Variants in IRF8 observed in about 807,000 individuals in gnomAD.
IRF8 encodes the protein interferon consensus sequence binding protein 1.
A neutral mutation model predicts 48.7 loss-of-function variants in IRF8; 14 were observed. The ratio of observed to expected loss-of-function variants is 0.29; its 90% CI spans 0.19 to 0.45. The LOEUF (loss-of-function observed/expected upper bound fraction) is 0.45. Ranked by LOEUF, IRF8 falls within the 20% of genes least tolerant of loss-of-function variation. The probability of loss-of-function intolerance (pLI) is 1.00; values close to 1 mark genes in which losing one functional copy is unlikely to be tolerated. For synonymous variants in IRF8, 278 were observed against 227.3 expected (o/e 1.22, Z -2.01); for missense variants, 493 against 580.7 (o/e 0.85, Z 1.55).
At chr16:85,913,701 G>A (rs1186121572) in intron 5 of IRF8, among the ~76,000 whole-genome samples, 26 of 152,256 alleles carry the variant, frequency 1.7e-4, no homozygotes, top group East Asian at 3.8e-4. Context: ...ACCAGGAACA[G>A]GAAGTTTGTT....
At chr16:85,910,780 A>C (rs578058071) in intron 3 of IRF8, among the ~76,000 whole-genome samples, 5 of 152,250 alleles carry the variant, frequency 3.3e-5, no homozygotes, top group African/African-American at 9.6e-5. Flanking sequence ...CTTCCCCATC[A>C]GTAGCTTCTC....
intron 1 of IRF8, chr16:85,900,936 G>A (rs1567874555): frequency 6.6e-6 from 1 of 152,186 alleles, no homozygotes; most frequent in African/African-American, 2.4e-5. Context: ...AGGAGGCTCA[G>A]GAACTGTGGA....
intron 1 of IRF8, among the ~76,000 whole-genome samples, chr16:85,899,894 A>G (rs1797470739): frequency 6.6e-6 from 1 of 152,200 alleles, no homozygotes; most frequent in Non-Finnish European, 1.5e-5. Flanking sequence ...TGTGTTACTT[A>G]CCCAGAGCTG....
chr16:85,903,227 T>TGGGGAA, intron 2 of IRF8, 38 bp downstream of exon 2: 2 of 1,568,028 alleles, frequency 1.3e-6, no homozygotes, highest in Non-Finnish European at 1.7e-6. Context: ...GTGGGCACAG[T>TGGGGAA]GTCTCCTTTC....
chr16:85,899,974 G>GC (rs1343602360), intron 1 of IRF8, among the ~76,000 whole-genome samples: 1 of 152,110 alleles, frequency 6.6e-6, no homozygotes, highest in Non-Finnish European at 1.5e-5. Flanking sequence ...CCAACCAATG[G>GC]CCCCCCACTT....
intron 3 of IRF8, among the ~76,000 whole-genome samples, chr16:85,910,122 A>G (rs1378214994): frequency 2.0e-5 from 3 of 152,238 alleles, no homozygotes; most frequent in African/African-American, 7.2e-5. Flanking sequence ...AAACAAATCT[A>G]TAGTGAATCT....
chr16:85,905,588 G>A (rs1023214633), intron 2 of IRF8, among the ~76,000 whole-genome samples: 2 of 152,298 alleles, frequency 1.3e-5, no homozygotes, highest in Non-Finnish European at 2.9e-5. Flanking sequence ...CACCAGTGCC[G>A]GTGGAGACAT....
chr16:85,914,477 G>A lies in IRF8; in HGVS notation c.558G>A (p.Val186=), dbSNP rs754328764. The A allele has an allele frequency of 1.9e-6, 3 of 1,614,040 alleles. No homozygotes were observed. In the South Asian group the frequency reaches 3.3e-5, roughly 18 times the overall value. ...DWWAQQPSTG[V]PLVTGYTTYD... is the part of the protein sequence containing the mutation. ...GCTTTTCTGTTTCTCCTGCAGGCGT[G>A]CCGCTGGTGACGGGGTACACCACCT... The change falls in exon 6 of 9, where the codon GTG becomes GTA. Residue 186 remains valine, a synonymous_variant. Coordinates refer to ENST00000268638, the MANE Select transcript of IRF8 (RefSeq NM_002163.4).
intron 1 of IRF8, among the ~76,000 whole-genome samples, chr16:85,900,179 C>T (rs1220636769): frequency 6.6e-6 from 1 of 152,118 alleles, no homozygotes; most frequent in Admixed American, 6.5e-5. Context: ...AGAGCGAGTG[C>T]CCTGGGCCCT....
intron 6 of IRF8, 91 bp downstream of exon 6, chr16:85,914,611 A>C (rs1002724816): frequency 4.2e-6 from 6 of 1,432,682 alleles, no homozygotes; most frequent in African/African-American, 1.4e-5. Context: ...TTCGAGGATG[A>C]GCAGGACCTG....
chr16:85,913,359 T>C, intron 5 of IRF8, 123 bp downstream of exon 5: 1 of 753,390 alleles, frequency 1.3e-6, no homozygotes, highest in Non-Finnish European at 2.3e-6. Flanking sequence ...TAAAGGTAGC[T>C]CAGCCCTGAG....
Position 85,921,396 on chromosome 16 carries a change from C to A in IRF8, c.*114C>A. On this transcript the variant is annotated 3_prime_UTR_variant, in exon 9 of 9. Coordinates refer to ENST00000268638, the MANE Select transcript of IRF8 (RefSeq NM_002163.4). ...CCTCTGTCTGGGGTGGGATGCCTTA[C>A]TTTGCACTTAATTTAATAAGGGCAT... is the stretch of plus-strand genomic sequence containing the variant. The A allele has an allele frequency of 8.8e-7, 1 of 1,136,108 alleles. No homozygotes were observed. Among genetic ancestry groups the A allele is most frequent in the Non-Finnish European group, 1.3e-6 (1 of 759,660 alleles). 70.4% of individuals were successfully genotyped at this position (1,136,108 alleles called of 1,614,324 possible). A position where few individuals can be genotyped will look rare whatever the true frequency, so the allele number is the denominator to read the frequency against.
At chr16:85,899,747 C>T (rs544432577) in intron 1 of IRF8, among the ~76,000 whole-genome samples, 3 of 152,222 alleles carry the variant, frequency 2.0e-5, no homozygotes, top group Admixed American at 1.3e-4. Context: ...TTGCTTCCAT[C>T]ACAGCCCAGT....
chr16:85,911,732 C>T (rs1470770928), intron 4 of IRF8, 74 bp downstream of exon 4: 16 of 1,314,728 alleles, frequency 1.2e-5, no homozygotes, highest in Non-Finnish European at 1.5e-5. Flanking sequence ...GGAGGGGCAC[C>T]GTTCTTGCTG....
intron 7 of IRF8, 106 bp from the exon 8 acceptor site, chr16:85,920,003 T>G: frequency 1.2e-6 from 1 of 837,486 alleles, no homozygotes; most frequent in African/African-American, 1.7e-5. Context: ...TGCCCTGGCC[T>G]AAATGCTACA....
intron 6 of IRF8, among the ~76,000 whole-genome samples, chr16:85,915,923 C>T (rs1905289245): frequency 6.6e-6 from 1 of 152,040 alleles, no homozygotes. Flanking sequence ...TCTGTCCAGC[C>T]CCGCCCCCAC....
At position 85,905,614 on chromosome 16, in the gene IRF8, C is replaced by G. The variant is rs138628071; in HGVS notation, c.174+2425C>G. On this transcript the variant is annotated intron_variant, in intron 2 of 8. Coordinates refer to ENST00000268638, the MANE Select transcript of IRF8 (RefSeq NM_002163.4). ...GTGGAGACATGGCGCCAGCAAGAGCCCATCATGTGCTTCCCTGAGCTATGC... is the reference window on the plus strand; with the variant it reads ...GTGGAGACATGGCGCCAGCAAGAGCGCATCATGTGCTTCCCTGAGCTATGC... Among the ~76,000 whole-genome samples the G allele has an allele frequency of 1.1e-3, 173 of 152,270 alleles. 3 individuals are homozygous for G. The East Asian group carries it at 0.028, about 24-fold the overall frequency.
chr16:85,899,460 C>G (rs528653687), intron 1 of IRF8, among the ~76,000 whole-genome samples: 1 of 152,184 alleles, frequency 6.6e-6, no homozygotes, highest in Non-Finnish European at 1.5e-5. Context: ...AGATAGATGC[C>G]TTTTTAAAAA....
intron 2 of IRF8, chr16:85,903,519 G>A (rs1002273973): frequency 1.2e-4 from 43 of 357,958 alleles, no homozygotes; most frequent in South Asian, 7.9e-4. Flanking sequence ...CTTTCCCCAC[G>A]GGCTTCCATT....
Sources: allele counts gnomAD v4.1 joint callset (sites outside exome capture counted in the v4.1 genomes callset), GRCh38; gene constraint gnomAD v4.1.1; transcripts MANE v1.5; gene names NCBI Gene and HGNC (gene_info 2026-07-23, HGNC 2026-07-21).